VAMP3: variants seen among roughly 807,000 people sequenced by gnomAD.
VAMP3 encodes the protein vesicle-associated membrane protein 3.
A neutral mutation model predicts 18.1 loss-of-function variants in VAMP3; 11 were observed. That is an observed-to-expected ratio of 0.61 (90% CI 0.38 to 1.00). The LOEUF (loss-of-function observed/expected upper bound fraction) is 1.00. VAMP3 is among the 50% of genes least tolerant of loss of function. The probability of loss-of-function intolerance (pLI) is 0.01; values close to 1 mark genes in which losing one functional copy is unlikely to be tolerated. For synonymous variants in VAMP3, 49 were observed against 43.1 expected (o/e 1.14, Z -0.53); for missense variants, 122 against 127.3 (o/e 0.96, Z 0.20).
intron 1 of VAMP3, 133 bp downstream of exon 1, chr1:7,771,518 T>A (rs1001529450): frequency 3.4e-6 from 4 of 1,184,522 alleles, no homozygotes; most frequent in Non-Finnish European, 3.3e-6. Context: ...TCCCGAGGCC[T>A]GGGGGTGGGC....
At position 7,779,682 on chromosome 1, in the gene VAMP3, C is replaced by T. The variant is rs2097056132; in HGVS notation, c.*37C>T. ...AACTCAAAACTGCTGTTCAAGAAAC[C>T]TCTTCAAGACTTTTGACTTAGAACC... On this transcript the variant is annotated 3_prime_UTR_variant, in exon 5 of 5. Transcript: ENST00000054666. The T allele has an allele frequency of 6.2e-7, 1 of 1,613,804 alleles. No homozygotes were observed. Among genetic ancestry groups the T allele is most frequent in the Non-Finnish European group, 8.5e-7 (1 of 1,179,830 alleles).
chr1:7,773,974 A>G (rs947023434), intron 2 of VAMP3, among the ~76,000 whole-genome samples: 5 of 152,212 alleles, frequency 3.3e-5, no homozygotes, highest in Admixed American at 2.0e-4. Context: ...ATGGTTGTCC[A>G]TTGACACACA....
chr1:7,781,046 T>TA lies in VAMP3; in HGVS notation c.*1402dup, dbSNP rs2097056862. 1 of 152,804 alleles carries TA rather than the reference T, an allele frequency of 6.5e-6. No homozygotes were observed. Among genetic ancestry groups the TA allele is most frequent in the Non-Finnish European group, 1.5e-5 (1 of 68,044 alleles). 9.5% of individuals were successfully genotyped at this position (152,804 alleles called of 1,614,324 possible). ...ACTTTATCGCTCTGTGGCTCATTGT[T>TA]ACTGGAATATTCTAAAACTCTTGTT... On this transcript the variant is annotated 3_prime_UTR_variant, in exon 5 of 5. Transcript: ENST00000054666.
chr1:7,778,226 A>G (rs2097055285), intron 4 of VAMP3, 57 bp downstream of exon 4: 3 of 1,587,974 alleles, frequency 1.9e-6, no homozygotes, highest in Middle Eastern at 1.7e-4. Context: ...TTCACAGACC[A>G]TTGATTTTGT....
chr1:7,773,459 C>T lies in VAMP3; in HGVS notation c.20C>T (p.Ala7Val), dbSNP rs1228820769. The T allele has an allele frequency of 1.9e-6, 3 of 1,614,028 alleles. No individual in the cohort carries two copies. In the Admixed American group the frequency reaches 5.0e-5, roughly 27 times the overall value. MSTGPT[A>V]ATGSNRRLQQ... ...TGTTCCAGGTCTACAGGTCCAACTG[C>T]TGCCACTGGCAGTAATCGAAGACTT... Residue 7 changes from alanine to valine, a missense_variant, in exon 2 of 5, where the codon GCT becomes GTT. Ala to Val is a moderately conservative substitution (Grantham distance 64). Coordinates refer to ENST00000054666, the MANE Select transcript of VAMP3 (RefSeq NM_004781.4).
intron 4 of VAMP3, 105 bp from the exon 5 acceptor site, chr1:7,779,521 T>C: frequency 6.6e-7 from 1 of 1,518,374 alleles, no homozygotes; most frequent in Admixed American, 1.7e-5. Flanking sequence ...CCCAGTCTAA[T>C]TTCTGATCAC....
intron 2 of VAMP3, chr1:7,776,632 G>A (rs543655368): frequency 6.6e-6 from 1 of 152,402 alleles, no homozygotes; most frequent in Admixed American, 6.5e-5. Context: ...ATTAGTTGTG[G>A]ATTTTCCCAT....
In VAMP3 at chr1:7,779,950, C is replaced by A. The variant is rs1405136136; in HGVS notation, c.*305C>A. ...GTCACTAATTAATTGCCATTACTCC[C>A]AGTTAGTTACCCTTGTCATTTGGCA... On this transcript the variant is annotated 3_prime_UTR_variant, in exon 5 of 5. Coordinates refer to ENST00000054666, the MANE Select transcript of VAMP3 (RefSeq NM_004781.4). The A allele has an allele frequency of 2.8e-5, 9 of 322,212 alleles. No individual in the cohort carries two copies. The highest frequency in any genetic ancestry group is 9.0e-4 in the Middle Eastern group (1 of 1,114). The allele number at this position is 322,212 out of a possible 1,614,324, so 20.0% of individuals were successfully genotyped here.
At chr1:7,774,065 G>A (rs1368022071) in intron 2 of VAMP3, among the ~76,000 whole-genome samples, 6 of 152,160 alleles carry the variant, frequency 3.9e-5, no homozygotes, top group East Asian at 1.9e-4. Context: ...TCCATCTTTT[G>A]TTCTGCGCCG....
intron 2 of VAMP3, among the ~76,000 whole-genome samples, chr1:7,774,436 T>G (rs2097053120): frequency 6.6e-6 from 1 of 152,236 alleles, no homozygotes; most frequent in Admixed American, 6.5e-5. Context: ...ACTAAACATT[T>G]TAAACTGTAT....
chr1:7,771,404 C>T lies in VAMP3; in HGVS notation c.2+19C>T, dbSNP rs749517260. The T allele has an allele frequency of 5.7e-6, 9 of 1,572,948 alleles. No individual in the cohort carries two copies. Among genetic ancestry groups the T allele is most frequent in the South Asian group, 1.1e-5 (1 of 88,244 alleles). On this transcript the variant is annotated intron_variant, in intron 1 of 4. Coordinates refer to ENST00000054666, the MANE Select transcript of VAMP3 (RefSeq NM_004781.4). ...CCAAAATGTGAGTGACGCTACGCGA[C>T]GCGGGCGGCTTCGGGCCCCGCAGGC...
rs1577561861 is a variant in VAMP3, at chr1:7,771,326, A to G, written c.-58A>G. The G allele has an allele frequency of 6.3e-7, 1 of 1,590,690 alleles. No individual in the cohort carries two copies. Among genetic ancestry groups the G allele is most frequent in the East Asian group, 2.3e-5 (1 of 42,562 alleles). On this transcript the variant is annotated 5_prime_UTR_variant, in exon 1 of 5. Transcript: ENST00000054666. ...ACCCATCTCCCTGGCCTCCGGTCCC[A>G]ACTTCGCTTCTCTGCTGACCCTCTC...
rs189596449 is a variant in VAMP3 at position 7,775,513 on chromosome 1, A to G, written c.73-1647A>G. Reference sequence around the variant, plus strand: ...CAGGCGCCCGCCACCTTGCCCGGCTAATTTTTTGTATTTTTAGTAGAGACA... The same window carrying G: ...CAGGCGCCCGCCACCTTGCCCGGCTGATTTTTTGTATTTTTAGTAGAGACA... On this transcript the variant is annotated intron_variant, in intron 2 of 4. Coordinates refer to ENST00000054666, the MANE Select transcript of VAMP3 (RefSeq NM_004781.4). Among the ~76,000 whole-genome samples, 6 of 152,010 alleles carry G rather than the reference A, an allele frequency of 3.9e-5. No homozygotes were observed. In the East Asian group the frequency reaches 1.2e-3, roughly 29 times the overall value.
chr1:7,774,367 GC>G (rs58142975), intron 2 of VAMP3, among the ~76,000 whole-genome samples: 32,434 of 151,310 alleles, frequency 0.21, 3,919 homozygotes, highest in East Asian at 0.37. Flanking sequence ...TTTTTTTTTA[GC>G]CAAAGGAATT....
chr1:7,779,555 T>C (rs2097056039), intron 4 of VAMP3, 71 bp from the exon 5 acceptor site: 12 of 1,604,624 alleles, frequency 7.5e-6, no homozygotes, highest in South Asian at 5.5e-5. Context: ...CATTGGATGT[T>C]GGCTTGGGAT....
At chr1:7,777,088 G>C in intron 2 of VAMP3, 72 bp from the exon 3 acceptor site, 1 of 1,525,308 alleles carries the variant, frequency 6.6e-7, no homozygotes, top group Non-Finnish European at 8.8e-7. Flanking sequence ...TAGGATTACA[G>C]GCGTGAGCCA....
intron 1 of VAMP3, among the ~76,000 whole-genome samples, chr1:7,772,182 T>C (rs1447954466): frequency 1.3e-5 from 2 of 152,178 alleles, no homozygotes; most frequent in Non-Finnish European, 2.9e-5. Flanking sequence ...ATTTGTAAAA[T>C]AGGAGTAATA....
chr1:7,779,996 T>A lies in VAMP3; in HGVS notation c.*351T>A, dbSNP rs923618693. On this transcript the variant is annotated 3_prime_UTR_variant, in exon 5 of 5. Coordinates refer to ENST00000054666, the MANE Select transcript of VAMP3 (RefSeq NM_004781.4). ...TGGCATTATTTTCAGAACCACATTT[T>A]AAACCTTTGGGTAATCAGATTTCCA... The A allele has an allele frequency of 1.3e-5, 3 of 227,430 alleles. No homozygotes were observed. The highest frequency in any genetic ancestry group is 2.6e-5 in the Non-Finnish European group (3 of 115,448). 14.1% of individuals were successfully genotyped at this position (227,430 alleles called of 1,614,324 possible).
At position 7,781,337 on chromosome 1, in the gene VAMP3, C is replaced by T. The variant is rs542808958; in HGVS notation, c.*1692C>T. The T allele has an allele frequency of 2.3e-4, 35 of 152,998 alleles. No individual in the cohort carries two copies. Among genetic ancestry groups the T allele is most frequent in the African/African-American group, 6.7e-4 (28 of 41,594 alleles). 9.5% of individuals were successfully genotyped at this position (152,998 alleles called of 1,614,324 possible). A position where few individuals can be genotyped will look rare whatever the true frequency, so the allele number is the denominator to read the frequency against. On this transcript the variant is annotated 3_prime_UTR_variant, in exon 5 of 5. Coordinates refer to ENST00000054666, the MANE Select transcript of VAMP3 (RefSeq NM_004781.4). ...TGCCCAGACCCATGTAACCCACTGGCTCCTGCATTAACCCAGAAATACCTC... is the reference window on the plus strand; with the variant it reads ...TGCCCAGACCCATGTAACCCACTGGTTCCTGCATTAACCCAGAAATACCTC...
Sources: gnomAD v4.1 joint callset for allele counts (sites outside exome capture counted in the v4.1 genomes callset) on GRCh38, gnomAD v4.1.1 for gene constraint, MANE v1.5 for transcripts, NCBI Gene and HGNC (gene_info 2026-07-23, HGNC 2026-07-21) for gene names.